The following LRRTM4 variants were observed in gnomAD, a reference collection of about 807,000 sequenced individuals.
LRRTM4 encodes leucine-rich repeat transmembrane neuronal protein 4.
Under a neutral mutation model 47.6 loss-of-function variants are expected in LRRTM4, and 25 were observed. The ratio of observed to expected loss-of-function variants is 0.53; its 90% confidence interval spans 0.38 to 0.73. The LOEUF (loss-of-function observed/expected upper bound fraction) is 0.73, where lower values mean the gene tolerates loss of function less well. Ranked by LOEUF, LRRTM4 falls within the 30% of genes least tolerant of loss-of-function variation. The pLI is 0.00. For missense variants in LRRTM4, 638 were observed against 713.4 expected, an observed-to-expected ratio of 0.89 and a Z score of 1.20; for synonymous variants, 311 against 269.5, an observed-to-expected ratio of 1.15 and a Z score of -1.51.
chr2:77,383,337 T>C (rs916061212), intron 3 of LRRTM4, among the ~76,000 whole-genome samples: 3 of 151,994 alleles, frequency 2.0e-5, no homozygotes, highest in Admixed American at 1.3e-4. Context: ...TCTTTTCCTG[T>C]GGGGTTTTCT....
intron 3 of LRRTM4, among the ~76,000 whole-genome samples, chr2:77,179,565 G>A (rs1252308715): frequency 6.6e-6 from 1 of 152,098 alleles, no homozygotes; most frequent in East Asian, 1.9e-4. Flanking sequence ...GTGGATGAGA[G>A]TAAGTCACTT....
intron 3 of LRRTM4, among the ~76,000 whole-genome samples, chr2:76,798,618 A>T (rs567403619): frequency 6.6e-6 from 1 of 151,602 alleles, no homozygotes; most frequent in African/African-American, 2.4e-5. Flanking sequence ...AACTGAAGGA[A>T]ATAGAGACAC....
At chr2:77,360,548 T>TCATACATACATACATA (rs34364581) in intron 3 of LRRTM4, among the ~76,000 whole-genome samples, 1 of 138,562 alleles carries the variant, frequency 7.2e-6, no homozygotes, top group Non-Finnish European at 1.6e-5. Context: ...ATACAATCAT[T>TCATACATACATACATA]CATACATACA....
intron 3 of LRRTM4, among the ~76,000 whole-genome samples, chr2:77,080,667 A>C (rs55970284): frequency 0.11 from 17,490 of 152,090 alleles, 1,237 homozygotes; most frequent in East Asian, 0.16. Flanking sequence ...CATTTTAACA[A>C]ATTATTTAAC....
At chr2:77,311,200 T>C (rs967419798) in intron 3 of LRRTM4, among the ~76,000 whole-genome samples, 2 of 152,188 alleles carry the variant, frequency 1.3e-5, no homozygotes, top group African/African-American at 4.8e-5. Context: ...AGTTGGCTTT[T>C]CACTGGTAAG....
intron 3 of LRRTM4, among the ~76,000 whole-genome samples, chr2:77,206,538 G>A (rs1476955517): frequency 6.6e-6 from 1 of 151,922 alleles, no homozygotes; most frequent in African/African-American, 2.4e-5. Flanking sequence ...AGGCTGGAGT[G>A]CAGTGGCCCA....
intron 3 of LRRTM4, among the ~76,000 whole-genome samples, chr2:77,409,739 T>A (rs1674346683): frequency 6.6e-6 from 1 of 152,214 alleles, no homozygotes; most frequent in African/African-American, 2.4e-5. Flanking sequence ...AAGAGTTTAT[T>A]TTTAGTTTTA....
intron 3 of LRRTM4, among the ~76,000 whole-genome samples, chr2:77,118,768 T>C (rs1206390479): frequency 2.6e-5 from 4 of 151,856 alleles, no homozygotes; most frequent in African/African-American, 9.7e-5. Flanking sequence ...TATTCAAATT[T>C]TTAGGCATCC....
At chr2:77,321,078 A>G (rs1340414256) in intron 3 of LRRTM4, among the ~76,000 whole-genome samples, 1 of 152,142 alleles carries the variant, frequency 6.6e-6, no homozygotes, top group South Asian at 2.1e-4. Context: ...TTTTTTAAAA[A>G]AAGGACAAAA....
At chr2:77,478,007 T>G (rs1677506308) in intron 3 of LRRTM4, among the ~76,000 whole-genome samples, 1 of 152,016 alleles carries the variant, frequency 6.6e-6, no homozygotes, top group Non-Finnish European at 1.5e-5. Flanking sequence ...ATTGCTAATT[T>G]CATCTTATGA....
At chr2:77,457,004 G>GTACATA (rs1676579464) in intron 3 of LRRTM4, among the ~76,000 whole-genome samples, 1 of 23,186 alleles carries the variant, frequency 4.3e-5, no homozygotes, top group African/African-American at 2.3e-4. Flanking sequence ...GTGTGTGTGT[G>GTACATA]TATATATATA....
chr2:77,411,688 T>C lies in LRRTM4; in HGVS notation c.1551+106630A>G, dbSNP rs569090380. On this transcript the variant is annotated intron_variant, in intron 3 of 3. Transcript: ENST00000409884. ...GTTTTCACTGTGTTAGCCAGGATGG[T>C]CTCGATCTCCTGACCTCGTGATCTG... 5.6e-5 allele frequency among the ~76,000 whole-genome samples: 8 copies of C among 143,016 alleles called. No homozygotes were observed. The East Asian group carries it at 1.7e-3, about 30-fold the overall frequency. 93.8% of individuals were successfully genotyped at this position (143,016 alleles called of 152,430 possible).
At chr2:77,228,712 T>C (rs890457090) in intron 3 of LRRTM4, among the ~76,000 whole-genome samples, 2 of 152,224 alleles carry the variant, frequency 1.3e-5, no homozygotes, top group Non-Finnish European at 2.9e-5. Flanking sequence ...TCAAAACATA[T>C]TCTTATTGTG....
intron 3 of LRRTM4, among the ~76,000 whole-genome samples, chr2:76,774,047 C>A (rs1673840731): frequency 6.6e-6 from 1 of 152,008 alleles, no homozygotes; most frequent in Non-Finnish European, 1.5e-5. Flanking sequence ...CTTTTGACTA[C>A]CCGAAAACTT....
At chr2:76,938,847 A>G (rs924585674) in intron 3 of LRRTM4, among the ~76,000 whole-genome samples, 1 of 152,146 alleles carries the variant, frequency 6.6e-6, no homozygotes, top group African/African-American at 2.4e-5. Flanking sequence ...TGTCTTATGT[A>G]AAAGTTTTTA....
At chr2:76,996,436 T>C (rs960613480) in intron 3 of LRRTM4, among the ~76,000 whole-genome samples, 2 of 152,086 alleles carry the variant, frequency 1.3e-5, no homozygotes, top group Non-Finnish European at 2.9e-5. Flanking sequence ...CAAAGACTTA[T>C]TTCAGAGGTA....
intron 3 of LRRTM4, among the ~76,000 whole-genome samples, chr2:77,087,363 C>A (rs1279113064): frequency 2.0e-5 from 3 of 152,194 alleles, no homozygotes; most frequent in Admixed American, 2.0e-4. Flanking sequence ...CCATAAAAAT[C>A]TACAATCACA....
chr2:77,049,540 A>T (rs2103767085), intron 3 of LRRTM4, among the ~76,000 whole-genome samples: 1 of 151,878 alleles, frequency 6.6e-6, no homozygotes, highest in African/African-American at 2.4e-5. Flanking sequence ...TTCTCTGATG[A>T]TTATTGATAT....
rs10607132 is a variant in LRRTM4 at position 77,218,502 on chromosome 2, CTTTATTTA to C, written c.1551+299808_1551+299815del. Among the ~76,000 whole-genome samples the C allele has an allele frequency of 9.9e-3, 1,450 of 146,084 alleles. 17 individuals carry two copies. The highest frequency in any genetic ancestry group is 0.026 in the African/African-American group (1,049 of 39,846). The stretch of plus-strand genomic sequence containing the variant: ...CCATATACTTCCACTCCATGTTCTG[CTTTATTTA>C]TTTATTTATTTATTTATTTATTTAT... On this transcript the variant is annotated intron_variant, in intron 3 of 3. Transcript: ENST00000409884.
Sources: allele counts gnomAD v4.1 joint callset (sites outside exome capture counted in the v4.1 genomes callset), GRCh38; gene constraint gnomAD v4.1.1; transcripts MANE v1.5; gene names NCBI Gene and HGNC (gene_info 2026-07-23, HGNC 2026-07-21).